LTF: variants seen among roughly 807,000 people sequenced by gnomAD.
LTF encodes epididymis luminal protein 110.
Under a neutral mutation model 87.2 loss-of-function variants are expected in LTF, and 91 were observed. The observed-to-expected ratio is 1.04, with a 90% confidence interval of 0.88 to 1.24. The LOEUF (loss-of-function observed/expected upper bound fraction) is 1.24. LTF is among the 50% of genes most tolerant of loss of function. LTF has a pLI of 0.00. For synonymous variants in LTF, 378 were observed against 356.1 expected (o/e 1.06, Z -0.69); for missense variants, 901 against 904.3 (o/e 1.00, Z 0.05).
chr3:46,447,466 T>A (rs1702684688), intron 9 of LTF, 68 bp from the exon 10 acceptor site: 1 of 1,079,148 alleles, frequency 9.3e-7, no homozygotes, highest in Non-Finnish European at 1.4e-6. Flanking sequence ...TCTATATAGC[T>A]CTCTGAGAGA....
intron 6 of LTF, 93 bp downstream of exon 6, chr3:46,454,212 A>G: frequency 9.1e-7 from 1 of 1,104,492 alleles, no homozygotes; most frequent in Admixed American, 1.7e-5. Context: ...ATGGTCTGCC[A>G]TGAACTTAGG....
upstream of LTF, among the ~76,000 whole-genome samples, chr3:46,468,901 T>C (rs536288130): frequency 1.8e-4 from 28 of 152,312 alleles, no homozygotes; most frequent in Non-Finnish European, 3.2e-4. Context: ...AATTAGCAAA[T>C]GCTCTAAATC....
intron 1 of LTF, among the ~76,000 whole-genome samples, chr3:46,482,560 G>A (rs6773263): frequency 0.18 from 9,528 of 52,214 alleles, 1,872 homozygotes; most frequent in South Asian, 0.43. Flanking sequence ...GAAGGGAAGG[G>A]AAGGGAAGGG....
intron 5 of LTF, among the ~76,000 whole-genome samples, chr3:46,454,673 T>C (rs546868077): frequency 6.6e-6 from 1 of 152,340 alleles, no homozygotes; most frequent in East Asian, 1.9e-4. Context: ...TTCATGTGGC[T>C]GTTTTCCTCA....
chr3:46,476,485 C>T (rs1380798814), intron 1 of LTF, among the ~76,000 whole-genome samples: 1 of 152,232 alleles, frequency 6.6e-6, no homozygotes, highest in East Asian at 1.9e-4. Flanking sequence ...CCAAGCCAAA[C>T]TTACATTTCT....
At position 46,469,916 on chromosome 3, in the gene LTF, G is replaced by A. The variant is rs564873761; in HGVS notation, c.-213-321C>T. On this transcript the variant is annotated intron_variant, in intron 2 of 19. Transcript: ENST00000443496. ...TTTACAAAGGCCCCACAGAGACAAGGAGCTTCTGTCTGCTTGGATCAGCCC... is the reference window on the plus strand; with the variant it reads ...TTTACAAAGGCCCCACAGAGACAAGAAGCTTCTGTCTGCTTGGATCAGCCC... Among the ~76,000 whole-genome samples, 186 of 152,200 alleles carry A rather than the reference G, an allele frequency of 1.2e-3. 2 individuals carry two copies. The highest frequency in any genetic ancestry group is 4.1e-3 in the African/African-American group (171 of 41,532).
At chr3:46,440,261 A>G (rs1702488117) in intron 14 of LTF, among the ~76,000 whole-genome samples, 1 of 152,232 alleles carries the variant, frequency 6.6e-6, no homozygotes, top group African/African-American at 2.4e-5. Flanking sequence ...GAGTTCCAGA[A>G]AAAGAATAGA....
At chr3:46,447,188 C>A in intron 10 of LTF, 120 bp downstream of exon 10, 1 of 704,308 alleles carries the variant, frequency 1.4e-6, no homozygotes. Context: ...TTCCCTGATT[C>A]TCCCTTTTGA....
chr3:46,458,608 C>T (rs1442943806), intron 2 of LTF, among the ~76,000 whole-genome samples: 1 of 152,130 alleles, frequency 6.6e-6, no homozygotes, highest in Admixed American at 6.5e-5. Context: ...GAGTCTCGCT[C>T]TTGTCGCCCA....
At chr3:46,474,175 T>A (rs1312863817) in intron 1 of LTF, among the ~76,000 whole-genome samples, 1 of 152,018 alleles carries the variant, frequency 6.6e-6, no homozygotes. Flanking sequence ...GAAGAGTGGA[T>A]TAAAAAACAT....
intron 1 of LTF, among the ~76,000 whole-genome samples, chr3:46,471,206 G>A (rs1034068665): frequency 6.6e-6 from 1 of 152,166 alleles, no homozygotes; most frequent in African/African-American, 2.4e-5. Context: ...GCCTTTTCTA[G>A]AGTGTTCACA....
intron 1 of LTF, among the ~76,000 whole-genome samples, chr3:46,482,690 AGG>A (rs1559614887): frequency 7.2e-4 from 90 of 125,766 alleles, no homozygotes; most frequent in Middle Eastern, 7.1e-3. Context: ...GAAGGAAGGA[AGG>A]AAGGAAGGAA....
chr3:46,482,644 GAAAGAAAGAAAGAAA>G (rs1559614774), intron 1 of LTF, among the ~76,000 whole-genome samples: 21 of 96,514 alleles, frequency 2.2e-4, no homozygotes, highest in South Asian at 8.1e-4. Flanking sequence ...AAGAAAGAAA[GAAAGAAAGAAAGAAA>G]GAAGGAAGGA....
intron 16 of LTF, among the ~76,000 whole-genome samples, chr3:46,436,667 A>G (rs1559589245): frequency 6.6e-6 from 1 of 152,198 alleles, no homozygotes; most frequent in Admixed American, 6.5e-5. Context: ...CACAGCATGG[A>G]TAGACTGGCC....
chr3:46,438,364 C>T (rs1407800025), intron 15 of LTF, among the ~76,000 whole-genome samples: 1 of 152,214 alleles, frequency 6.6e-6, no homozygotes, highest in African/African-American at 2.4e-5. Context: ...CTACCTCCTA[C>T]CATCTGCCAT....
intron 6 of LTF, 34 bp from the exon 7 acceptor site, chr3:46,450,707 T>C (rs1452918752): frequency 6.3e-7 from 1 of 1,578,782 alleles, no homozygotes; most frequent in Admixed American, 1.7e-5. Context: ...GGAGTCTAGA[T>C]AAGCCGACTC....
chr3:46,482,763 A>AAG (rs777909126), intron 1 of LTF, among the ~76,000 whole-genome samples: 5,548 of 132,848 alleles, frequency 0.042, 362 homozygotes, highest in Middle Eastern at 0.075. Flanking sequence ...AGGAAAGAGA[A>AAG]AGAAAGAAAG....
chr3:46,464,959 G>A, upstream of LTF: 2 of 1,293,878 alleles, frequency 1.5e-6, no homozygotes, highest in Non-Finnish European at 2.2e-6. Context: ...CCGCCCTGTT[G>A]CCCAATAGAC....
chr3:46,455,732 C>T lies in LTF; in HGVS notation c.499+64G>A, dbSNP rs144986893. ...CTTTCACCTGCATGATCTGTGTGGC[C>T]TGTGCTTACAACTGGAATAGAGCCC... On this transcript the variant is annotated intron_variant, in intron 4 of 16. Coordinates refer to ENST00000231751, the MANE Select transcript of LTF (RefSeq NM_002343.6). 6.6e-5 allele frequency: 98 copies of T among 1,493,252 alleles called. No individual in the cohort carries two copies. The East Asian group carries it at 1.1e-3, about 17-fold the overall frequency. The allele number at this position is 1,493,252 out of a possible 1,614,324, so 92.5% of individuals were successfully genotyped here. A position where few individuals can be genotyped will look rare whatever the true frequency, so the allele number is the denominator to read the frequency against.
Sources: allele counts gnomAD v4.1 joint callset (sites outside exome capture counted in the v4.1 genomes callset), GRCh38; gene constraint gnomAD v4.1.1; transcripts MANE v1.5; gene names NCBI Gene and HGNC (gene_info 2026-07-23, HGNC 2026-07-21).